Variants in PHACTR1 observed in about 807,000 individuals in gnomAD.
The protein encoded by PHACTR1 is phosphatase and actin regulator 1, also known as RPEL repeat containing 1.
PHACTR1 carries 16 observed loss-of-function variants against 69.2 expected under a neutral mutation model. The observed-to-expected ratio is 0.23, with a 90% CI of 0.16 to 0.35. The LOEUF (loss-of-function observed/expected upper bound fraction) is 0.35. Among genes scored for constraint, PHACTR1 ranks in the 10% least tolerant of loss-of-function variants. The pLI is 1.00. For synonymous variants in PHACTR1, 312 were observed against 284.5 expected, an observed-to-expected ratio of 1.10 and a Z score of -0.97; for missense variants, 510 against 734.7, an observed-to-expected ratio of 0.69 and a Z score of 3.54.
intron 10 of PHACTR1, among the ~76,000 whole-genome samples, chr6:13,252,499 C>A (rs1424532507): frequency 6.6e-6 from 1 of 151,984 alleles, no homozygotes; most frequent in Non-Finnish European, 1.5e-5. Context: ...TCCATTATTT[C>A]CATTATTAAA....
At chr6:12,795,554 A>G (rs914498972) in intron 4 of PHACTR1, among the ~76,000 whole-genome samples, 2 of 152,192 alleles carry the variant, frequency 1.3e-5, no homozygotes, top group African/African-American at 4.8e-5. Context: ...TGAAGGTTGG[A>G]TGTATGATTA....
intron 4 of PHACTR1, among the ~76,000 whole-genome samples, chr6:13,045,163 T>C (rs1043678356): frequency 6.6e-6 from 1 of 152,218 alleles, no homozygotes; most frequent in Non-Finnish European, 1.5e-5. Flanking sequence ...ATTAAAAGCA[T>C]GTGTTTCTCT....
intron 5 of PHACTR1, among the ~76,000 whole-genome samples, chr6:13,095,498 A>G (rs1365843490): frequency 6.6e-6 from 1 of 152,032 alleles, no homozygotes; most frequent in Non-Finnish European, 1.5e-5. Context: ...GATTCATTCT[A>G]GGTTTGATAG....
chr6:13,059,677 T>C (rs1049598081), intron 5 of PHACTR1, among the ~76,000 whole-genome samples: 17 of 152,190 alleles, frequency 1.1e-4, no homozygotes, highest in African/African-American at 4.1e-4. Context: ...AAAAAATGGT[T>C]TTAAAGTGTA....
intron 5 of PHACTR1, among the ~76,000 whole-genome samples, chr6:13,060,260 G>C (rs1344183265): frequency 6.6e-6 from 1 of 152,166 alleles, no homozygotes; most frequent in Non-Finnish European, 1.5e-5. Flanking sequence ...GATTGTTTGG[G>C]GCAGATGTCA....
intron 4 of PHACTR1, among the ~76,000 whole-genome samples, chr6:12,843,953 T>C (rs1778945641): frequency 6.6e-6 from 1 of 152,208 alleles, no homozygotes; most frequent in Non-Finnish European, 1.5e-5. Flanking sequence ...CAGACATAGG[T>C]GTGAATTTCA....
intron 4 of PHACTR1, among the ~76,000 whole-genome samples, chr6:12,795,417 A>G (rs1772854292): frequency 6.6e-6 from 1 of 152,170 alleles, no homozygotes; most frequent in Admixed American, 6.5e-5. Context: ...CAGGAAACTC[A>G]TTAATTTATG....
chr6:12,815,367 T>A (rs964075420), intron 4 of PHACTR1, among the ~76,000 whole-genome samples: 1 of 152,144 alleles, frequency 6.6e-6, no homozygotes, highest in African/African-American at 2.4e-5. Flanking sequence ...CCTCATACTC[T>A]GGAATTTTCT....
At chr6:13,163,586 A>C (rs373519727) in intron 6 of PHACTR1, among the ~76,000 whole-genome samples, 1 of 152,202 alleles carries the variant, frequency 6.6e-6, no homozygotes, top group Non-Finnish European at 1.5e-5. Context: ...AGTAGTGTAT[A>C]GGTTTGTGTT....
At chr6:13,232,572 C>T (rs1771385672) in intron 10 of PHACTR1, among the ~76,000 whole-genome samples, 2 of 152,214 alleles carry the variant, frequency 1.3e-5, no homozygotes, top group South Asian at 4.1e-4. Context: ...GAGCCTTATT[C>T]TTAGACATTC....
At position 12,749,658 on chromosome 6, in the gene PHACTR1, C is replaced by A; in HGVS notation, c.118C>A (p.Leu40Met). The A allele has an allele frequency of 3.1e-6, 5 of 1,611,228 alleles. No individual in the cohort carries two copies. The highest frequency in any genetic ancestry group is 4.2e-6 in the Non-Finnish European group (5 of 1,179,266). Residue 40 changes from leucine to methionine, a missense_variant, in exon 4 of 15, where the codon CTG (leucine) becomes ATG (methionine). By Grantham distance (15) the Leu-to-Met change is conservative. This residue lies in a region of PHACTR1 where 419 missense variants were observed against 530.9 expected (regional missense o/e 0.79). Coordinates refer to ENST00000332995, the MANE Select transcript of PHACTR1 (RefSeq NM_030948.6). ...CTCCCTCTCAGCTCGCCGGGCGACCCTGCTCCTGCCTCCCACATTAATGGC... is the reference window on the plus strand; with the variant it reads ...CTCCCTCTCAGCTCGCCGGGCGACCATGCTCCTGCCTCCCACATTAATGGC... ...SQGAQARRAT[L>M]LLPPTLMAAS...
chr6:12,750,511 G>A (rs1766477743), intron 4 of PHACTR1, among the ~76,000 whole-genome samples: 1 of 148,874 alleles, frequency 6.7e-6, no homozygotes, highest in Admixed American at 6.7e-5. Flanking sequence ...AAAGAAGGAA[G>A]GAGGGAAGGA....
rs768381145 is a variant in PHACTR1 at position 13,245,389 on chromosome 6, T to C, written c.1391+15196T>C. Among the ~76,000 whole-genome samples the C allele has an allele frequency of 6.6e-6, 1 of 152,214 alleles. No individual in the cohort carries two copies. On this transcript the variant is annotated intron_variant, in intron 10 of 14. Coordinates refer to ENST00000332995, the MANE Select transcript of PHACTR1 (RefSeq NM_030948.6). This position sits in a 1 kb window ranked among gnomAD's most constrained non-coding sequence, Gnocchi z 4.1. ...ACATTCTGACTGGTGTGAGATGATA[T>C]GTGGTTTTGATTTGCATTTCTCTAA...
intron 5 of PHACTR1, among the ~76,000 whole-genome samples, chr6:13,156,367 A>G (rs1319894159): frequency 2.0e-5 from 3 of 152,252 alleles, no homozygotes; most frequent in African/African-American, 7.2e-5. Context: ...ATGGAGCAGG[A>G]GTATTTTCTT....
At chr6:13,230,273 C>T (rs750447666) in intron 10 of PHACTR1, 80 bp downstream of exon 10, 31 of 1,548,360 alleles carry the variant, frequency 2.0e-5, no homozygotes, top group East Asian at 7.4e-5. Context: ...CAGTCTCGGC[C>T]GGGCGCAGTA....
intron 5 of PHACTR1, among the ~76,000 whole-genome samples, chr6:13,084,612 A>C (rs1811981063): frequency 6.6e-6 from 1 of 152,108 alleles, no homozygotes; most frequent in Admixed American, 6.6e-5. Flanking sequence ...TGAGCAAATA[A>C]ATTGGCAACA....
chr6:12,893,995 A>G (rs1018462500), intron 4 of PHACTR1, among the ~76,000 whole-genome samples: 4 of 152,136 alleles, frequency 2.6e-5, no homozygotes, highest in African/African-American at 7.2e-5. Flanking sequence ...GTTAATGGCA[A>G]TTTGCAAGGG....
Position 13,040,680 on chromosome 6 carries a change from G to A in PHACTR1, c.251-12685G>A, listed in dbSNP as rs1027497293. 3.9e-5 allele frequency among the ~76,000 whole-genome samples: 6 copies of A among 152,220 alleles called. No homozygotes were observed. In the East Asian group the frequency reaches 9.7e-4, roughly 25 times the overall value. On this transcript the variant is annotated intron_variant, in intron 4 of 14. Coordinates refer to ENST00000332995, the MANE Select transcript of PHACTR1 (RefSeq NM_030948.6). ...GTGTGAGATTCAAGTAAAATCAAGA[G>A]TGTATACAGACTGAAACGGTTATAA...
At chr6:13,101,709 G>A (rs777766697) in intron 5 of PHACTR1, among the ~76,000 whole-genome samples, 1 of 152,194 alleles carries the variant, frequency 6.6e-6, no homozygotes, top group East Asian at 1.9e-4. Flanking sequence ...CACGTGGGCT[G>A]ACCAGCAAAA....
Sources: allele counts gnomAD v4.1 joint callset (sites outside exome capture counted in the v4.1 genomes callset), GRCh38; gene constraint gnomAD v4.1.1; regional missense constraint gnomAD v4.1.1; non-coding constraint Gnocchi (gnomAD v3.1); transcripts MANE v1.5; gene names NCBI Gene and HGNC (gene_info 2026-07-23, HGNC 2026-07-21).